The following CAAP1 variants were observed in gnomAD, a reference collection of about 807,000 sequenced individuals.
CAAP1 encodes the protein conserved anti-apoptotic protein.
A neutral mutation model predicts 34.0 loss-of-function variants in CAAP1; 20 were observed. The observed-to-expected ratio is 0.59, with a 90% confidence interval of 0.41 to 0.86. The LOEUF (loss-of-function observed/expected upper bound fraction) is 0.86. CAAP1 is among the 40% of genes least tolerant of loss of function. The probability of loss-of-function intolerance (pLI) is 0.00; values close to 1 mark genes in which losing one functional copy is unlikely to be tolerated. For missense variants in CAAP1, 538 were observed against 450.5 expected, an observed-to-expected ratio of 1.19 and a Z score of -1.76; for synonymous variants, 213 against 166.7, an observed-to-expected ratio of 1.28 and a Z score of -2.14.
In CAAP1 at chr9:26,892,483, C is replaced by G. The variant is rs908944800; in HGVS notation, c.233G>C (p.Ser78Thr). 6.4e-7 allele frequency: 1 copy of G among 1,559,436 alleles called. No individual in the cohort carries two copies. The highest frequency in any genetic ancestry group is 8.7e-7 in the Non-Finnish European group (1 of 1,152,624). The change falls in exon 1 of 6, where the codon AGC (serine) becomes ACC (threonine). Residue 78 changes from serine (S) to threonine (T), a missense_variant. By Grantham distance (58) the Ser-to-Thr change is moderately conservative. Coordinates refer to ENST00000333916, the MANE Select transcript of CAAP1 (RefSeq NM_024828.4). The stretch of plus-strand genomic sequence containing the variant: ...CTTCCGGCGCTCGCTGCGCTCCACG[C>G]TGCTCCCGCCCCAACAGCTGCCGCC... ...GSGGSCWGGS[S>T]VERSERRKRR...
chr9:26,865,460 GT>G (rs200803783), intron 4 of CAAP1, among the ~76,000 whole-genome samples: 3,358 of 152,140 alleles, frequency 0.022, 123 homozygotes, highest in African/African-American at 0.076. Flanking sequence ...GGAGGTGGAG[GT>G]TGTGGTGAGC....
intron 4 of CAAP1, among the ~76,000 whole-genome samples, chr9:26,865,822 A>G (rs1327773456): frequency 6.6e-6 from 1 of 152,194 alleles, no homozygotes; most frequent in African/African-American, 2.4e-5. Context: ...TCGTAGTAGT[A>G]ACTAAAGACA....
At chr9:26,888,516 G>A (rs1202469928) in intron 1 of CAAP1, among the ~76,000 whole-genome samples, 5 of 152,224 alleles carry the variant, frequency 3.3e-5, no homozygotes, top group African/African-American at 1.2e-4. Flanking sequence ...AGGTCAGATA[G>A]TTGTTTACAA....
Position 26,887,408 on chromosome 9 carries a change from T to TA in CAAP1, c.408dup (p.Ser137Ter). 6.2e-7 allele frequency: 1 copy of TA among 1,611,720 alleles called. No homozygotes were observed. Among genetic ancestry groups the TA allele is most frequent in the Non-Finnish European group, 8.5e-7 (1 of 1,178,058 alleles). On this transcript the variant is annotated frameshift_variant, in exon 2 of 6. Transcript: ENST00000333916. LOFTEE classifies it high-confidence loss of function. ...TCTTTTTTGTCTGATATATAGAAAC[T>TA]AACTGGTTTCAATGACACAGTCAGG... is the stretch of plus-strand genomic sequence containing the variant.
intron 1 of CAAP1, among the ~76,000 whole-genome samples, chr9:26,889,658 G>C (rs1477944946): frequency 6.6e-6 from 1 of 151,316 alleles, no homozygotes; most frequent in Non-Finnish European, 1.5e-5. Flanking sequence ...ACAAGGTCAG[G>C]AGATCTAGAC....
At chr9:26,865,003 C>A (rs79015319) in intron 4 of CAAP1, among the ~76,000 whole-genome samples, 5,425 of 152,140 alleles carry the variant, frequency 0.036, 160 homozygotes, top group South Asian at 0.097. Context: ...GTCCAGATAA[C>A]CAATTTATGA....
intron 1 of CAAP1, among the ~76,000 whole-genome samples, chr9:26,890,076 G>A (rs1354412907): frequency 2.6e-5 from 4 of 151,818 alleles, no homozygotes; most frequent in Admixed American, 2.6e-4. Flanking sequence ...CATCATAACG[G>A]AGTGGGAAAC....
At chr9:26,885,138 AT>A (rs1823703773) in intron 3 of CAAP1, among the ~76,000 whole-genome samples, 1 of 138,908 alleles carries the variant, frequency 7.2e-6, no homozygotes, top group Non-Finnish European at 1.5e-5. Context: ...GTGCAGTGGC[AT>A]GACCTCGGCT....
At chr9:26,884,958 G>T in intron 3 of CAAP1, 73 bp from the exon 4 acceptor site, 1 of 1,093,644 alleles carries the variant, frequency 9.1e-7, no homozygotes, top group Non-Finnish European at 1.3e-6. Context: ...ACATTAAAAA[G>T]TATAATCTTT....
chr9:26,845,156 C>T (rs1027972487), intron 5 of CAAP1, among the ~76,000 whole-genome samples: 3 of 152,108 alleles, frequency 2.0e-5, no homozygotes, highest in Non-Finnish European at 2.9e-5. Context: ...TTTTTACTCT[C>T]TCTCTACTAC....
At chr9:26,869,757 G>T (rs1051003372) in intron 4 of CAAP1, among the ~76,000 whole-genome samples, 18 of 152,162 alleles carry the variant, frequency 1.2e-4, no homozygotes, top group Non-Finnish European at 2.1e-4. Context: ...AGGTACATGG[G>T]CATTATTAGA....
intron 4 of CAAP1, among the ~76,000 whole-genome samples, chr9:26,878,813 TAA>T (rs113897425): frequency 0.021 from 3,009 of 143,690 alleles, 97 homozygotes; most frequent in African/African-American, 0.072. Flanking sequence ...AGACAGTGTC[TAA>T]AAAAAAAAAA....
At chr9:26,883,696 T>C (rs1823658300) in intron 4 of CAAP1, among the ~76,000 whole-genome samples, 1 of 152,160 alleles carries the variant, frequency 6.6e-6, no homozygotes, top group Non-Finnish European at 1.5e-5. Flanking sequence ...AAACAAAATG[T>C]TGATCAACGT....
At chr9:26,867,363 T>C (rs906518463) in intron 4 of CAAP1, among the ~76,000 whole-genome samples, 21 of 152,148 alleles carry the variant, frequency 1.4e-4, no homozygotes, top group African/African-American at 5.1e-4. Context: ...TTCCCTCATA[T>C]AAGGACACTG....
intron 4 of CAAP1, among the ~76,000 whole-genome samples, chr9:26,861,900 G>C (rs984200080): frequency 6.6e-6 from 1 of 152,120 alleles, no homozygotes; most frequent in African/African-American, 2.4e-5. Context: ...TTCATTAACA[G>C]TAACAAATCT....
At chr9:26,871,029 AT>A (rs1200688416) in intron 4 of CAAP1, among the ~76,000 whole-genome samples, 2 of 152,182 alleles carry the variant, frequency 1.3e-5, no homozygotes, top group Admixed American at 1.3e-4. Context: ...ACTTTATTGC[AT>A]TCAAGTTTAT....
chr9:26,848,376 C>A (rs1413103719), intron 5 of CAAP1, among the ~76,000 whole-genome samples: 1 of 152,092 alleles, frequency 6.6e-6, no homozygotes, highest in Non-Finnish European at 1.5e-5. Context: ...ATTAGCCGGG[C>A]CTGGTGGCAG....
intron 4 of CAAP1, among the ~76,000 whole-genome samples, chr9:26,863,598 G>A (rs1823055549): frequency 6.6e-6 from 1 of 151,760 alleles, no homozygotes; most frequent in East Asian, 1.9e-4. Flanking sequence ...CATACTAAGT[G>A]CCAGAATCAG....
intron 5 of CAAP1, among the ~76,000 whole-genome samples, chr9:26,847,254 AC>A (rs1822637293): frequency 1.0e-5 from 1 of 95,796 alleles, no homozygotes; most frequent in Non-Finnish European, 1.9e-5. Flanking sequence ...TTGCTCTGTC[AC>A]CCAGGCTGGA....
Sources: allele counts gnomAD v4.1 joint callset (sites outside exome capture counted in the v4.1 genomes callset), GRCh38; gene constraint gnomAD v4.1.1; transcripts MANE v1.5; gene names NCBI Gene and HGNC (gene_info 2026-07-23, HGNC 2026-07-21).